PPP1R12B: variants seen among roughly 807,000 people sequenced by gnomAD.
The protein encoded by PPP1R12B is protein phosphatase 1 regulatory subunit 12B.
Under a neutral mutation model 126.1 loss-of-function variants are expected in PPP1R12B, and 76 were observed. That is an observed-to-expected ratio of 0.60 (90% CI 0.50 to 0.73). The LOEUF (loss-of-function observed/expected upper bound fraction) is 0.73, where lower values mean the gene tolerates loss of function less well. Among genes scored for constraint, PPP1R12B ranks in the 30% least tolerant of loss-of-function variants. The probability of loss-of-function intolerance (pLI) is 0.00; values close to 1 mark genes in which losing one functional copy is unlikely to be tolerated. For missense variants in PPP1R12B, 1,052 were observed against 1,205.1 expected (o/e 0.87, Z 1.88); for synonymous variants, 356 against 434.7 (o/e 0.82, Z 2.25).
At chr1:202,452,744 CTT>C (rs1371298574) in intron 13 of PPP1R12B, among the ~76,000 whole-genome samples, 3 of 151,528 alleles carry the variant, frequency 2.0e-5, no homozygotes, top group Admixed American at 2.0e-4. Flanking sequence ...TTGGTGGAGT[CTT>C]TAGGTTTTTC....
chr1:202,455,193 CATAT>C (rs199970579), intron 13 of PPP1R12B, among the ~76,000 whole-genome samples: 2 of 124,466 alleles, frequency 1.6e-5, no homozygotes, highest in African/African-American at 5.0e-5. Flanking sequence ...GAGCTATATA[CATAT>C]ATATATATAG....
Position 202,583,540 on chromosome 1 carries a change from A to G in PPP1R12B, c.*2980A>G, listed in dbSNP as rs190523058. 3 of 152,310 alleles carry G rather than the reference A, an allele frequency of 2.0e-5. No individual in the cohort carries two copies. The highest frequency in any genetic ancestry group is 3.9e-4 in the East Asian group (2 of 5,186). The allele number at this position is 152,310 out of a possible 1,614,324, so 9.4% of individuals were successfully genotyped here. A position where few individuals can be genotyped will look rare whatever the true frequency, so the allele number is the denominator to read the frequency against. On this transcript the variant is annotated 3_prime_UTR_variant, in exon 24 of 24. Coordinates refer to ENST00000608999, the MANE Select transcript of PPP1R12B (RefSeq NM_002481.4). Reference sequence around the variant, plus strand: ...TACTTTCTCTTATGCAATTAATTTTATTAACTGATTTCTGGTCTATCTCCA... The same window carrying G: ...TACTTTCTCTTATGCAATTAATTTTGTTAACTGATTTCTGGTCTATCTCCA...
At chr1:202,468,932 CA>C (rs552544181) in intron 13 of PPP1R12B, among the ~76,000 whole-genome samples, 1 of 149,886 alleles carries the variant, frequency 6.7e-6, no homozygotes, top group African/African-American at 2.5e-5. Flanking sequence ...GATTCTGTCT[CA>C]AAAAAAAGAA....
chr1:202,460,557 G>A (rs191659376), intron 13 of PPP1R12B, among the ~76,000 whole-genome samples: 1 of 152,286 alleles, frequency 6.6e-6, no homozygotes, highest in Non-Finnish European at 1.5e-5. Context: ...TTCCACAAAC[G>A]ACTCCAATCT....
intron 18 of PPP1R12B, among the ~76,000 whole-genome samples, chr1:202,519,266 T>C (rs1205045484): frequency 6.6e-6 from 1 of 152,088 alleles, no homozygotes; most frequent in East Asian, 1.9e-4. Context: ...AAAAATTTTT[T>C]TTTTTCTTTT....
intron 23 of PPP1R12B, chr1:202,575,026 C>G (rs1240237850): frequency 6.2e-7 from 1 of 1,613,006 alleles, no homozygotes; most frequent in East Asian, 2.2e-5. Context: ...AAAACAGATT[C>G]AAACCTTGAA....
chr1:202,565,252 C>T lies in PPP1R12B; in HGVS notation c.2757+705C>T, dbSNP rs1040982369. 2.0e-5 allele frequency among the ~76,000 whole-genome samples: 3 copies of T among 152,222 alleles called. No individual in the cohort carries two copies. Among genetic ancestry groups the T allele is most frequent in the African/African-American group, 7.2e-5 (3 of 41,456 alleles). On this transcript the variant is annotated intron_variant, in intron 21 of 23. Coordinates refer to ENST00000608999, the MANE Select transcript of PPP1R12B (RefSeq NM_002481.4). The surrounding 1 kb of genome is among the most constrained non-coding windows in gnomAD (Gnocchi z 4.3). ...CTCCGCAGCTGAAAGCTAAAGCAAG[C>T]ACTGCTTTTGGTTATTGCTGAGTTA...
intron 18 of PPP1R12B, among the ~76,000 whole-genome samples, chr1:202,551,290 CAT>C (rs1686289461): frequency 6.6e-6 from 1 of 152,148 alleles, no homozygotes; most frequent in Non-Finnish European, 1.5e-5. Flanking sequence ...CAAATCAAGA[CAT>C]ATAATATGAT....
intron 1 of PPP1R12B, among the ~76,000 whole-genome samples, chr1:202,352,989 A>T (rs893990112): frequency 6.6e-6 from 1 of 152,224 alleles, no homozygotes; most frequent in African/African-American, 2.4e-5. Context: ...TTGTAGTTGA[A>T]TAAGCCTTTG....
At chr1:202,494,532 A>G (rs1242412136) in intron 15 of PPP1R12B, among the ~76,000 whole-genome samples, 1 of 151,688 alleles carries the variant, frequency 6.6e-6, no homozygotes, top group Non-Finnish European at 1.5e-5. Context: ...GTCTTCCATA[A>G]ACCAAGTTAA....
chr1:202,491,876 T>C (rs1269830289), intron 14 of PPP1R12B, among the ~76,000 whole-genome samples: 1 of 152,236 alleles, frequency 6.6e-6, no homozygotes, highest in Admixed American at 6.5e-5. Context: ...GAAAGTAAAA[T>C]CTAAGCTTCT....
intron 18 of PPP1R12B, among the ~76,000 whole-genome samples, chr1:202,516,894 T>G (rs697452): frequency 1 from 152,315 of 152,332 alleles, 76,149 homozygotes; most frequent in Middle Eastern, 1. Flanking sequence ...GTTATGAAAA[T>G]AGCTAGTTAT....
intron 18 of PPP1R12B, among the ~76,000 whole-genome samples, chr1:202,507,746 A>G (rs1232577008): frequency 2.6e-5 from 4 of 152,202 alleles, no homozygotes; most frequent in African/African-American, 9.7e-5. Flanking sequence ...TAGTCCTATG[A>G]TGGCGTTGAT....
In PPP1R12B at chr1:202,565,958, T is replaced by A. The variant is rs778236567; in HGVS notation, c.2757+1411T>A. Among the ~76,000 whole-genome samples the A allele has an allele frequency of 6.6e-6, 1 of 152,228 alleles. No homozygotes were observed. The highest frequency in any genetic ancestry group is 1.5e-5 in the Non-Finnish European group (1 of 68,042). ...TCAAAAGAAATCTGGGGCTAATTTT[T>A]ATTCTGAATGGCGCCACATATTGGC... On this transcript the variant is annotated intron_variant, in intron 21 of 23. Transcript: ENST00000608999. This position sits in a 1 kb window ranked among gnomAD's most constrained non-coding sequence, Gnocchi z 4.3.
intron 13 of PPP1R12B, among the ~76,000 whole-genome samples, chr1:202,468,104 G>T (rs1022320397): frequency 2.0e-5 from 3 of 151,494 alleles, no homozygotes; most frequent in Non-Finnish European, 4.4e-5. Context: ...GTTTGAGTTC[G>T]TTGTAGATTC....
intron 1 of PPP1R12B, among the ~76,000 whole-genome samples, chr1:202,377,319 C>CT (rs775692123): frequency 9.9e-4 from 140 of 141,692 alleles, no homozygotes; most frequent in Middle Eastern, 3.7e-3. Flanking sequence ...AGGGTAGTAT[C>CT]TTTTTTTTTT....
At chr1:202,421,651 C>CA (rs113450515) in intron 2 of PPP1R12B, among the ~76,000 whole-genome samples, 111 of 138,792 alleles carry the variant, frequency 8.0e-4, no homozygotes, top group African/African-American at 2.0e-3. Flanking sequence ...AAAAAAAAAA[C>CA]AAAAAAAAAA....
intron 1 of PPP1R12B, among the ~76,000 whole-genome samples, chr1:202,368,376 C>T (rs1558138574): frequency 2.0e-5 from 3 of 152,196 alleles, no homozygotes; most frequent in Non-Finnish European, 4.4e-5. Flanking sequence ...TGAGTAAAAG[C>T]TCCCTGAGGC....
intron 23 of PPP1R12B, among the ~76,000 whole-genome samples, chr1:202,571,274 C>G (rs1688570417): frequency 6.6e-6 from 1 of 152,204 alleles, no homozygotes; most frequent in African/African-American, 2.4e-5. Context: ...TAAACTAGAT[C>G]ATGAGTTCTT....
Sources: allele counts gnomAD v4.1 joint callset (sites outside exome capture counted in the v4.1 genomes callset), GRCh38; gene constraint gnomAD v4.1.1; non-coding constraint Gnocchi (gnomAD v3.1); transcripts MANE v1.5; gene names NCBI Gene and HGNC (gene_info 2026-07-23, HGNC 2026-07-21).